The following PIP5K1B variants were observed in gnomAD, a reference collection of about 807,000 sequenced individuals.
PIP5K1B encodes the protein phosphatidylinositol 4-phosphate 5-kinase type-1 beta.
PIP5K1B carries 42 observed loss-of-function variants against 67.0 expected under a neutral mutation model. The observed-to-expected ratio is 0.63, with a 90% CI of 0.49 to 0.81. The LOEUF (loss-of-function observed/expected upper bound fraction) is 0.81, where lower values mean the gene tolerates loss of function less well. PIP5K1B is among the 30% of genes least tolerant of loss of function. The probability of loss-of-function intolerance (pLI) is 0.00; values close to 1 mark genes in which losing one functional copy is unlikely to be tolerated. For synonymous variants in PIP5K1B, 214 were observed against 231.4 expected, an observed-to-expected ratio of 0.92 and a Z score of 0.68; for missense variants, 459 against 646.3, an observed-to-expected ratio of 0.71 and a Z score of 3.14.
intron 14 of PIP5K1B, among the ~76,000 whole-genome samples, chr9:68,947,417 C>T (rs1302406745): frequency 6.6e-6 from 1 of 152,192 alleles, no homozygotes; most frequent in Non-Finnish European, 1.5e-5. Flanking sequence ...CTTCTGTCCT[C>T]CTGCCACCTT....
intron 1 of PIP5K1B, among the ~76,000 whole-genome samples, chr9:68,721,542 G>A (rs987898671): frequency 2.0e-5 from 3 of 152,194 alleles, no homozygotes; most frequent in African/African-American, 7.2e-5. Context: ...CAGGAGGGCT[G>A]TGATGATGAG....
In PIP5K1B at chr9:68,917,736, G is replaced by T; in HGVS notation, c.960G>T (p.Gly320=). ...AGGGTCCAGGGAAATCTGGAGATGG[G>T]ATAATCACAGAGAACCCAGACACGT... ...SIQGPGKSGD[G]IITENPDTMG... The change falls in exon 9 of 16, where the codon GGG becomes GGT. Residue 320 remains glycine, a synonymous_variant. Transcript: ENST00000265382. 1.2e-6 allele frequency: 2 copies of T among 1,613,958 alleles called. No individual in the cohort carries two copies. The highest frequency in any genetic ancestry group is 1.7e-4 in the Middle Eastern group (1 of 6,042).
intron 15 of PIP5K1B, among the ~76,000 whole-genome samples, chr9:69,003,994 T>G (rs1232596718): frequency 6.6e-6 from 1 of 152,258 alleles, no homozygotes; most frequent in Admixed American, 6.5e-5. Context: ...TTTAAATAAC[T>G]TTTTAAAATA....
chr9:68,811,779 C>T (rs1194863083), intron 2 of PIP5K1B, among the ~76,000 whole-genome samples: 1 of 152,138 alleles, frequency 6.6e-6, no homozygotes, highest in East Asian at 1.9e-4. Flanking sequence ...CTTTAATATA[C>T]CCAAAGTGGT....
chr9:68,969,683 T>C (rs1420824817), intron 14 of PIP5K1B, among the ~76,000 whole-genome samples: 1 of 152,196 alleles, frequency 6.6e-6, no homozygotes, highest in African/African-American at 2.4e-5. Flanking sequence ...ATATCTTCTG[T>C]ACCTGAGCAC....
chr9:68,733,998 A>G (rs1368812367), intron 1 of PIP5K1B, among the ~76,000 whole-genome samples: 1 of 152,210 alleles, frequency 6.6e-6, no homozygotes, highest in Non-Finnish European at 1.5e-5. Flanking sequence ...AGTAGAATGT[A>G]TTGTGGTGAT....
intron 2 of PIP5K1B, among the ~76,000 whole-genome samples, chr9:68,804,273 T>C (rs1832750321): frequency 6.6e-6 from 1 of 152,026 alleles, no homozygotes; most frequent in Non-Finnish European, 1.5e-5. Flanking sequence ...AAAAAGAGTA[T>C]CTGATAAAGC....
chr9:68,952,500 GT>G (rs1828132093), intron 14 of PIP5K1B, among the ~76,000 whole-genome samples: 1 of 151,910 alleles, frequency 6.6e-6, no homozygotes, highest in Non-Finnish European at 1.5e-5. Flanking sequence ...CTCTTTCTTG[GT>G]TTACTCCCTC....
intron 14 of PIP5K1B, among the ~76,000 whole-genome samples, chr9:68,984,276 C>A (rs1289173243): frequency 1.3e-5 from 2 of 152,164 alleles, no homozygotes; most frequent in Non-Finnish European, 2.9e-5. Context: ...TTATGCTCTG[C>A]CTGTTAATGC....
intron 15 of PIP5K1B, among the ~76,000 whole-genome samples, chr9:68,999,309 G>A (rs1285249649): frequency 6.6e-6 from 1 of 152,144 alleles, no homozygotes; most frequent in Non-Finnish European, 1.5e-5. Flanking sequence ...AGAATATTGG[G>A]GGGACACAAT....
At chr9:68,966,999 A>G (rs148646037) in intron 14 of PIP5K1B, among the ~76,000 whole-genome samples, 10 of 152,356 alleles carry the variant, frequency 6.6e-5, no homozygotes, top group Non-Finnish European at 1.2e-4. Context: ...TATTATGCAG[A>G]TCACATTTTC....
chr9:68,994,202 A>G (rs894159747), intron 15 of PIP5K1B, among the ~76,000 whole-genome samples: 12 of 151,928 alleles, frequency 7.9e-5, no homozygotes, highest in African/African-American at 2.7e-4. Context: ...CACCACGCCC[A>G]GCTAATTTTT....
chr9:68,887,983 T>A (rs989445172), intron 6 of PIP5K1B, among the ~76,000 whole-genome samples: 1 of 149,060 alleles, frequency 6.7e-6, no homozygotes, highest in Non-Finnish European at 1.5e-5. Context: ...TCCAGCCTTT[T>A]TTTTTTTTTT....
intron 14 of PIP5K1B, among the ~76,000 whole-genome samples, chr9:68,984,557 G>T (rs1050082408): frequency 1.3e-5 from 2 of 152,038 alleles, no homozygotes; most frequent in African/African-American, 4.8e-5. Flanking sequence ...TTCATTTAGG[G>T]CTGTATATTC....
intron 15 of PIP5K1B, among the ~76,000 whole-genome samples, chr9:68,996,555 T>G (rs755225174): frequency 1.3e-5 from 2 of 152,232 alleles, no homozygotes; most frequent in Non-Finnish European, 2.9e-5. Context: ...TGATTTAAAA[T>G]GGGCAATCAC....
At chr9:68,939,632 A>G (rs574700964) in intron 13 of PIP5K1B, among the ~76,000 whole-genome samples, 35 of 152,320 alleles carry the variant, frequency 2.3e-4, no homozygotes, top group African/African-American at 7.9e-4. Context: ...AATTGGAGGC[A>G]GAGCTCCACC....
At chr9:68,872,654 T>A (rs1823684589) in intron 5 of PIP5K1B, among the ~76,000 whole-genome samples, 1 of 152,236 alleles carries the variant, frequency 6.6e-6, no homozygotes, top group Non-Finnish European at 1.5e-5. Flanking sequence ...CACTGTTACT[T>A]GTGGCTGTTT....
At chr9:68,728,027 C>G (rs1828239677) in intron 1 of PIP5K1B, among the ~76,000 whole-genome samples, 1 of 152,060 alleles carries the variant, frequency 6.6e-6, no homozygotes, top group Admixed American at 6.5e-5. Context: ...TTATTTGATA[C>G]AAGATGCTAT....
intron 1 of PIP5K1B, among the ~76,000 whole-genome samples, chr9:68,719,571 A>C (rs934818853): frequency 6.6e-6 from 1 of 152,252 alleles, no homozygotes; most frequent in African/African-American, 2.4e-5. Context: ...GCTGTATTTA[A>C]ATGATGCCCT....
Sources: allele counts gnomAD v4.1 joint callset (sites outside exome capture counted in the v4.1 genomes callset), GRCh38; gene constraint gnomAD v4.1.1; transcripts MANE v1.5; gene names NCBI Gene and HGNC (gene_info 2026-07-23, HGNC 2026-07-21).